The following RGS7 variants were observed in gnomAD, a reference collection of about 807,000 sequenced individuals.
The protein encoded by RGS7 is regulator of G protein signaling 7.
In RGS7, 27 loss-of-function variants were observed where a neutral mutation model predicts 81.1. The ratio of observed to expected loss-of-function variants is 0.33; its 90% CI spans 0.25 to 0.46. RGS7 has a LOEUF of 0.46. Ranked by LOEUF, RGS7 falls within the 20% of genes least tolerant of loss-of-function variation. The pLI is 1.00. For synonymous variants in RGS7, 208 were observed against 207.7 expected (o/e 1.00, Z -0.01); for missense variants, 396 against 607.4 (o/e 0.65, Z 3.66).
chr1:241,195,201 C>T (rs1287381882), intron 2 of RGS7, among the ~76,000 whole-genome samples: 1 of 152,096 alleles, frequency 6.6e-6, no homozygotes, highest in South Asian at 2.1e-4. Context: ...ACCAGCGGGG[C>T]GTGGTAGCTC....
Position 240,920,592 on chromosome 1 carries a change from G to A in RGS7, c.385+10125C>T, listed in dbSNP as rs114469188. 2,405 of 969,252 alleles carry A rather than the reference G, an allele frequency of 2.5e-3. 31 individuals carry two copies. The African/African-American group carries it at 0.034, about 14-fold the overall frequency. 60.0% of individuals were successfully genotyped at this position (969,252 alleles called of 1,614,324 possible). A position where few individuals can be genotyped will look rare whatever the true frequency, so the allele number is the denominator to read the frequency against. ...TGGTTGCAGTAACAGCAGTAGCTAC[G>A]GCAGTGGCAGAAGATTTTAATTAGG... On this transcript the variant is annotated intron_variant, in intron 6 of 18. Coordinates refer to ENST00000440928, the MANE Select transcript of RGS7 (RefSeq NM_001364886.1).
chr1:240,911,424 T>A (rs1024846674), intron 6 of RGS7, among the ~76,000 whole-genome samples: 1 of 152,220 alleles, frequency 6.6e-6, no homozygotes, highest in Admixed American at 6.5e-5. Flanking sequence ...TAAATGTTAA[T>A]GTTCTCTAGG....
chr1:240,835,883 G>A (rs1203112543), intron 9 of RGS7, among the ~76,000 whole-genome samples: 5 of 152,182 alleles, frequency 3.3e-5, no homozygotes, highest in Admixed American at 2.6e-4. Flanking sequence ...TGGAAAAGGC[G>A]AAACGATGGA....
intron 10 of RGS7, among the ~76,000 whole-genome samples, chr1:240,820,302 C>T (rs1258516916): frequency 1.3e-5 from 2 of 152,176 alleles, no homozygotes; most frequent in Admixed American, 1.3e-4. Flanking sequence ...GCTTGATTAA[C>T]ACGTTCCTTT....
At chr1:240,849,464 G>A (rs1234401466) in intron 9 of RGS7, among the ~76,000 whole-genome samples, 1 of 152,190 alleles carries the variant, frequency 6.6e-6, no homozygotes, top group Non-Finnish European at 1.5e-5. Flanking sequence ...CCTTATTTAT[G>A]AAATGAGGAC....
intron 2 of RGS7, among the ~76,000 whole-genome samples, chr1:241,155,095 C>T (rs2069020666): frequency 1.3e-5 from 2 of 152,126 alleles, no homozygotes; most frequent in South Asian, 4.1e-4. Context: ...TATTGCAATA[C>T]AATCATTTTG....
chr1:240,817,665 T>A (rs1691055503), intron 10 of RGS7, among the ~76,000 whole-genome samples: 1 of 152,118 alleles, frequency 6.6e-6, no homozygotes, highest in South Asian at 2.1e-4. Context: ...TGCAGTGGCG[T>A]AATCTTGGCT....
chr1:241,044,118 T>A (rs1375094212), intron 3 of RGS7, among the ~76,000 whole-genome samples: 1 of 151,128 alleles, frequency 6.6e-6, no homozygotes, highest in Non-Finnish European at 1.5e-5. Context: ...TTTTGTTTTT[T>A]TTTTTTTTGG....
intron 2 of RGS7, among the ~76,000 whole-genome samples, chr1:241,269,906 C>T (rs926798892): frequency 5.9e-5 from 9 of 152,160 alleles, no homozygotes; most frequent in African/African-American, 2.2e-4. Flanking sequence ...AATTGGTTGG[C>T]AAACATAGGG....
intron 3 of RGS7, among the ~76,000 whole-genome samples, chr1:241,075,494 A>G (rs1032316891): frequency 2.0e-5 from 3 of 152,156 alleles, no homozygotes; most frequent in African/African-American, 7.2e-5. Context: ...TACAGGCCCT[A>G]GATCAGGGGT....
chr1:241,189,966 G>A (rs564232082), intron 2 of RGS7, among the ~76,000 whole-genome samples: 11 of 152,234 alleles, frequency 7.2e-5, no homozygotes, highest in South Asian at 2.1e-4. Flanking sequence ...AGCCGGGCGC[G>A]GTGGTGGGCA....
intron 9 of RGS7, among the ~76,000 whole-genome samples, chr1:240,853,350 T>C (rs1385782113): frequency 3.3e-5 from 5 of 152,194 alleles, no homozygotes; most frequent in African/African-American, 1.2e-4. Flanking sequence ...GAAATAATTA[T>C]AGCAAAAATT....
intron 2 of RGS7, among the ~76,000 whole-genome samples, chr1:241,347,927 A>G (rs1184842465): frequency 6.6e-6 from 1 of 152,060 alleles, no homozygotes; most frequent in Non-Finnish European, 1.5e-5. Flanking sequence ...GTTGAACTCT[A>G]CTTTGTTTTA....
At chr1:240,983,217 A>G in intron 3 of RGS7, 88 bp from the exon 4 acceptor site, 1 of 689,856 alleles carries the variant, frequency 1.4e-6, no homozygotes, top group Non-Finnish European at 2.4e-6. Context: ...TTTGGTGCTC[A>G]TATTAGAAGG....
chr1:240,783,588 A>G (rs1572057893), intron 18 of RGS7, among the ~76,000 whole-genome samples: 2 of 151,912 alleles, frequency 1.3e-5, no homozygotes, highest in Non-Finnish European at 2.9e-5. Context: ...GCGCCACTGC[A>G]CTCCAGTCTG....
intron 18 of RGS7, among the ~76,000 whole-genome samples, chr1:240,793,611 A>ATATATATATATATATTTTTTTTTTTT: frequency 1.3e-5 from 1 of 78,872 alleles, no homozygotes; most frequent in African/African-American, 9.7e-5. Context: ...ATATATATAT[A>ATATATATATATATATTTTTTTTTTTT]TTTTTTTTTT....
In RGS7 at chr1:241,092,254, C is replaced by T. The variant is rs74150212; in HGVS notation, c.175+6412G>A. ...TAAATGGTATAGTTTAAAATAGTAC[C>T]ACAAATGAAGCAACTATCTTACAAA... On this transcript the variant is annotated intron_variant, in intron 3 of 18. Coordinates refer to ENST00000440928, the MANE Select transcript of RGS7 (RefSeq NM_001364886.1). Among the ~76,000 whole-genome samples the T allele has an allele frequency of 7.2e-3, 1,100 of 152,228 alleles. 12 individuals are homozygous for T. The highest frequency in any genetic ancestry group is 0.025 in the African/African-American group (1,044 of 41,530).
chr1:241,198,963 A>G (rs2073285108), intron 2 of RGS7, among the ~76,000 whole-genome samples: 1 of 152,146 alleles, frequency 6.6e-6, no homozygotes, highest in African/African-American at 2.4e-5. Flanking sequence ...TTAATATAGA[A>G]AAAAGATAAT....
At chr1:241,099,411 T>C (rs971879332) in intron 2 of RGS7, among the ~76,000 whole-genome samples, 1 of 151,968 alleles carries the variant, frequency 6.6e-6, no homozygotes, top group Admixed American at 6.6e-5. Flanking sequence ...CAAGTACACA[T>C]ACACGTGCAT....
Sources: gnomAD v4.1 joint callset for allele counts (sites outside exome capture counted in the v4.1 genomes callset) on GRCh38, gnomAD v4.1.1 for gene constraint, MANE v1.5 for transcripts, NCBI Gene and HGNC (gene_info 2026-07-23, HGNC 2026-07-21) for gene names.